TRIT1: variants seen among roughly 807,000 people sequenced by gnomAD.
TRIT1 encodes tRNA dimethylallyltransferase.
Under a neutral mutation model 51.2 loss-of-function variants are expected in TRIT1, and 43 were observed. The observed-to-expected ratio is 0.84, with a 90% CI of 0.66 to 1.08. The LOEUF is 1.08. Among genes scored for constraint, TRIT1 ranks in the 50% least tolerant of loss-of-function variants. The pLI, the probability that TRIT1 is intolerant of heterozygous loss-of-function variation, is 0.00. For missense variants in TRIT1, 528 were observed against 578.4 expected, an observed-to-expected ratio of 0.91 and a Z score of 0.89; for synonymous variants, 184 against 203.9, an observed-to-expected ratio of 0.90 and a Z score of 0.83.
chr1:39,851,527 C>A (rs752190753), intron 4 of TRIT1, among the ~76,000 whole-genome samples: 2 of 152,124 alleles, frequency 1.3e-5, no homozygotes, highest in African/African-American at 2.4e-5. Context: ...GTATAAACTT[C>A]ATTAATCTAA....
At chr1:39,878,243 C>T (rs746146016) in intron 1 of TRIT1, among the ~76,000 whole-genome samples, 1 of 152,204 alleles carries the variant, frequency 6.6e-6, no homozygotes, top group Non-Finnish European at 1.5e-5. Flanking sequence ...TAGATGGCTA[C>T]AGAAGCAAGT....
chr1:39,851,825 G>A (rs549979984), intron 4 of TRIT1, among the ~76,000 whole-genome samples: 8 of 151,558 alleles, frequency 5.3e-5, no homozygotes, highest in East Asian at 3.9e-4. Context: ...GTGCACACCC[G>A]TAGTCCCAGC....
intron 1 of TRIT1, among the ~76,000 whole-genome samples, chr1:39,881,386 T>C (rs2124697607): frequency 6.6e-6 from 1 of 152,274 alleles, no homozygotes; most frequent in African/African-American, 2.4e-5. Flanking sequence ...TTGGATATTT[T>C]TTATCCAAGT....
intron 1 of TRIT1, among the ~76,000 whole-genome samples, chr1:39,863,802 A>G (rs762201228): frequency 1.1e-4 from 16 of 152,126 alleles, no homozygotes; most frequent in Non-Finnish European, 1.5e-4. Flanking sequence ...AACAACAACA[A>G]AAGATATGGA....
At chr1:39,859,143 A>G (rs1420373374) in intron 1 of TRIT1, among the ~76,000 whole-genome samples, 1 of 151,552 alleles carries the variant, frequency 6.6e-6, no homozygotes, top group Non-Finnish European at 1.5e-5. Flanking sequence ...AATCCTAGCT[A>G]TACTCAGGAG....
At chr1:39,883,176 G>T in intron 1 of TRIT1, 142 bp downstream of exon 1, 4 of 760,282 alleles carry the variant, frequency 5.3e-6, no homozygotes, top group Non-Finnish European at 8.2e-6. Context: ...GGCATGCGGC[G>T]GGTGCTTAGT....
chr1:39,869,878 C>G (rs570889082), intron 1 of TRIT1, among the ~76,000 whole-genome samples: 1 of 152,174 alleles, frequency 6.6e-6, no homozygotes, highest in South Asian at 2.1e-4. Flanking sequence ...GGCAGCTGCC[C>G]CCTCCAGGAG....
intron 1 of TRIT1, chr1:39,876,196 T>C (rs1367405755): frequency 3.9e-5 from 6 of 152,218 alleles, no homozygotes; most frequent in South Asian, 4.1e-4. Context: ...AATTCCTATA[T>C]ACCCCAAGTA....
At chr1:39,846,058 T>C (rs999883429) in intron 8 of TRIT1, among the ~76,000 whole-genome samples, 1 of 152,218 alleles carries the variant, frequency 6.6e-6, no homozygotes, top group African/African-American at 2.4e-5. Flanking sequence ...AGAAGCTGCA[T>C]TAGAAATTTG....
At chr1:39,843,680 C>T (rs546992436) in intron 10 of TRIT1, among the ~76,000 whole-genome samples, 75 of 152,270 alleles carry the variant, frequency 4.9e-4, no homozygotes, top group Admixed American at 4.0e-3. Context: ...AACTCTACTT[C>T]CTGCCCCCTC....
At chr1:39,851,196 T>A (rs1183946237) in intron 4 of TRIT1, among the ~76,000 whole-genome samples, 1 of 152,058 alleles carries the variant, frequency 6.6e-6, no homozygotes, top group Non-Finnish European at 1.5e-5. Context: ...ATCTCACTTA[T>A]CTGGAGTTAA....
rs1165930115 is a variant in TRIT1 at position 39,880,289 on chromosome 1, AAAAAG to A, written c.174+3024_174+3028del. Reference sequence around the variant, plus strand: ...CAAATAAAAAAAAAAAAAAAAAAAAAAAAAGAAGAAACTGTAAACATTTGGTAAAC... The same window carrying A: ...CAAATAAAAAAAAAAAAAAAAAAAAAAAGAAACTGTAAACATTTGGTAAAC... On this transcript the variant is annotated intron_variant, in intron 1 of 10. Coordinates refer to ENST00000316891, the MANE Select transcript of TRIT1 (RefSeq NM_017646.6). Among the ~76,000 whole-genome samples the A allele has an allele frequency of 1.6e-4, 24 of 151,276 alleles. No homozygotes were observed. In the East Asian group the frequency reaches 1.9e-3, roughly 12 times the overall value.
Position 39,854,053 on chromosome 1 carries a change from C to G in TRIT1, c.331G>C (p.Ala111Pro). Residue 111 changes from alanine to proline, a missense_variant, in exon 3 of 11, where the codon GCC becomes CCC. This residue lies in a region of TRIT1 where 468 missense variants were observed against 522.6 expected (regional missense o/e 0.90). Transcript: ENST00000316891. Reference sequence around the variant, plus strand: ...ACAACAATAGGAATTTTGTCTCGGGCAAATATATCTTCAATGTGAACATTA... The same window carrying G: ...ACAACAATAGGAATTTTGTCTCGGGGAAATATATCTTCAATGTGAACATTA... ...RATALIEDIFARDKIPIVVGG... is the reference protein window; with the variant it reads ...RATALIEDIFPRDKIPIVVGG... 1 of 1,607,902 alleles carries G rather than the reference C, an allele frequency of 6.2e-7. No homozygotes were observed. The highest frequency in any genetic ancestry group is 8.5e-7 in the Non-Finnish European group (1 of 1,176,350).
chr1:39,862,656 T>C (rs1469957837), intron 1 of TRIT1: 2 of 451,938 alleles, frequency 4.4e-6, no homozygotes, highest in African/African-American at 2.1e-5. Context: ...TAATCAATTT[T>C]GTAAGTATCA....
At position 39,852,733 on chromosome 1, in the gene TRIT1, G is replaced by A. The variant is rs1336947668; in HGVS notation, c.558C>T (p.Ala186=). The stretch of plus-strand genomic sequence containing the variant: ...GTCAGCGCGCCAGGCTTTCTTACCT[G>A]GCCACTTTGCGTTTGTCATGTGGAT... ...KLHPHDKRKV[A]RSLQVFEETG... Residue 186 remains alanine (A), a splice_region_variant and synonymous_variant, in exon 4 of 11, where the codon GCC becomes GCT. Transcript: ENST00000316891. 1 of 1,613,438 alleles carries A rather than the reference G, an allele frequency of 6.2e-7. No homozygotes were observed.
At chr1:39,866,918 G>T (rs1227025019) in intron 1 of TRIT1, among the ~76,000 whole-genome samples, 3 of 152,176 alleles carry the variant, frequency 2.0e-5, no homozygotes, top group Non-Finnish European at 4.4e-5. Flanking sequence ...CTTGAGCCAG[G>T]AGGTCAGGGC....
chr1:39,847,960 G>C (rs750845995), intron 6 of TRIT1, 26 bp downstream of exon 6: 15 of 1,591,512 alleles, frequency 9.4e-6, no homozygotes, highest in Non-Finnish European at 1.1e-5. Context: ...ATGGACAGTA[G>C]GTCAGAATAA....
intron 8 of TRIT1, among the ~76,000 whole-genome samples, chr1:39,846,673 A>T (rs1018181509): frequency 6.6e-6 from 1 of 152,350 alleles, no homozygotes; most frequent in South Asian, 2.1e-4. Context: ...TAATATATGT[A>T]TAACACCAAA....
intron 1 of TRIT1, among the ~76,000 whole-genome samples, chr1:39,866,742 T>C (rs1271229522): frequency 2.0e-5 from 3 of 151,962 alleles, no homozygotes; most frequent in East Asian, 1.9e-4. Context: ...GAGGCCAAGA[T>C]AGGAGGATCG....
Sources: gnomAD v4.1 joint callset for allele counts (sites outside exome capture counted in the v4.1 genomes callset) on GRCh38, gnomAD v4.1.1 for gene constraint, gnomAD v4.1.1 regional missense constraint, MANE v1.5 for transcripts, NCBI Gene and HGNC (gene_info 2026-07-23, HGNC 2026-07-21) for gene names.